The following ZC3H12C variants were observed in gnomAD, a reference collection of about 807,000 sequenced individuals.
ZC3H12C encodes the protein zinc finger CCCH-type containing 12C, also known as probable ribonuclease ZC3H12C.
A neutral mutation model predicts 76.3 loss-of-function variants in ZC3H12C; 20 were observed. That is an observed-to-expected ratio of 0.26 (90% CI 0.18 to 0.38). The LOEUF is 0.38. Among genes scored for constraint, ZC3H12C ranks in the 10% least tolerant of loss-of-function variants. ZC3H12C has a pLI of 1.00. For missense variants in ZC3H12C, 874 were observed against 1,086.5 expected, an observed-to-expected ratio of 0.80 and a Z score of 2.75; for synonymous variants, 352 against 399.6, an observed-to-expected ratio of 0.88 and a Z score of 1.42.
intron 1 of ZC3H12C, among the ~76,000 whole-genome samples, chr11:110,134,889 C>T (rs1331955813): frequency 6.6e-6 from 1 of 152,138 alleles, no homozygotes; most frequent in East Asian, 1.9e-4. Context: ...GCTGAAGATT[C>T]CATGTTCTCT....
chr11:110,110,746 C>T (rs1861412162), intron 1 of ZC3H12C, among the ~76,000 whole-genome samples: 1 of 152,086 alleles, frequency 6.6e-6, no homozygotes, highest in Non-Finnish European at 1.5e-5. Flanking sequence ...CTGACTGGTC[C>T]TAAGGTCTTT....
chr11:110,134,784 A>G, intron 1 of ZC3H12C, among the ~76,000 whole-genome samples: 1 of 152,170 alleles, frequency 6.6e-6, no homozygotes, highest in Non-Finnish European at 1.5e-5. Context: ...CAATGATATT[A>G]AAGTTGTCTA....
rs1419450045 is a variant in ZC3H12C, at chr11:110,167,118, T to TG, written c.*1382dup. 1 of 152,230 alleles carries TG rather than the reference T, an allele frequency of 6.6e-6. No individual in the cohort carries two copies. Among genetic ancestry groups the TG allele is most frequent in the African/African-American group, 2.4e-5 (1 of 41,458 alleles). 9.4% of individuals were successfully genotyped at this position (152,230 alleles called of 1,614,324 possible). ...TGTGTGATTGACATCACTTGACTGT[T>TG]GCGTCCAGGTTTTGAATTGTACTTC... On this transcript the variant is annotated 3_prime_UTR_variant, in exon 6 of 6. Coordinates refer to ENST00000278590, the MANE Select transcript of ZC3H12C (RefSeq NM_033390.2).
At chr11:110,102,928 T>C (rs1370647471) in intron 1 of ZC3H12C, among the ~76,000 whole-genome samples, 1 of 152,210 alleles carries the variant, frequency 6.6e-6, no homozygotes, top group Non-Finnish European at 1.5e-5. Flanking sequence ...AATTAAGGCA[T>C]GTACATTTTT....
intron 3 of ZC3H12C, among the ~76,000 whole-genome samples, chr11:110,155,351 G>A (rs988777709): frequency 6.6e-6 from 1 of 151,664 alleles, no homozygotes; most frequent in Non-Finnish European, 1.5e-5. Context: ...TCAGTGCCCT[G>A]AAGCAGTTAC....
intron 1 of ZC3H12C, among the ~76,000 whole-genome samples, chr11:110,133,430 T>C (rs1426461878): frequency 1.3e-5 from 2 of 152,130 alleles, no homozygotes; most frequent in African/African-American, 4.8e-5. Context: ...ACCAATGAAA[T>C]CTAGAAGATG....
intron 2 of ZC3H12C, among the ~76,000 whole-genome samples, chr11:110,145,808 C>A (rs770608884): frequency 3.3e-5 from 5 of 152,070 alleles, no homozygotes; most frequent in Non-Finnish European, 7.3e-5. Flanking sequence ...AAATACCCAG[C>A]GTACAGAATA....
intron 1 of ZC3H12C, among the ~76,000 whole-genome samples, chr11:110,104,994 A>G (rs943719284): frequency 2.6e-5 from 4 of 152,270 alleles, no homozygotes; most frequent in Non-Finnish European, 2.9e-5. Context: ...TTTCAAATCT[A>G]TTACTTTATG....
At chr11:110,145,954 G>A (rs1862159584) in intron 2 of ZC3H12C, among the ~76,000 whole-genome samples, 1 of 152,182 alleles carries the variant, frequency 6.6e-6, no homozygotes, top group South Asian at 2.1e-4. Flanking sequence ...GTAGAAGACG[G>A]TTGAGAGAAA....
chr11:110,145,911 A>T (rs991493476), intron 2 of ZC3H12C, among the ~76,000 whole-genome samples: 1 of 152,210 alleles, frequency 6.6e-6, no homozygotes, highest in Non-Finnish European at 1.5e-5. Flanking sequence ...CACAGGACCT[A>T]TTGGCTCGGG....
chr11:110,126,304 C>T (rs1168119079), intron 1 of ZC3H12C, among the ~76,000 whole-genome samples: 2 of 143,896 alleles, frequency 1.4e-5, no homozygotes, highest in Non-Finnish European at 3.0e-5. Flanking sequence ...TAGCCTTGAA[C>T]TCCTGGGCTC....
intron 2 of ZC3H12C, among the ~76,000 whole-genome samples, chr11:110,144,837 T>C (rs1258105546): frequency 6.6e-6 from 1 of 152,146 alleles, no homozygotes; most frequent in Non-Finnish European, 1.5e-5. Flanking sequence ...TTCATTCTCT[T>C]TTTAGGTTTT....
Position 110,159,368 on chromosome 11 carries a change from G to A in ZC3H12C, c.1026G>A (p.Leu342=). The A allele has an allele frequency of 6.2e-7, 1 of 1,614,092 alleles. No individual in the cohort carries two copies. The change falls in exon 4 of 6, where the codon CTG becomes CTA. Residue 342 remains leucine (L), a synonymous_variant. Coordinates refer to ENST00000278590, the MANE Select transcript of ZC3H12C (RefSeq NM_033390.2). ...VCYDDRFIVK[L]AFESDGIIVS... ...ATGACGACAGGTTCATCGTGAAGCTGGCTTTTGAGTCGGACGGTATCATTG... is the reference window on the plus strand; with the variant it reads ...ATGACGACAGGTTCATCGTGAAGCTAGCTTTTGAGTCGGACGGTATCATTG...
rs5794671 is a variant in ZC3H12C at position 110,154,834 on chromosome 11, T to TAAAAAAAA, written c.913+1787_913+1794dup. ...ATACAAAGAGCTCATACAGCTTGAT[T>TAAAAAAAA]AAAAAAAAAAAAAAAAAACTTCTTT... On this transcript the variant is annotated intron_variant, in intron 3 of 5. Coordinates refer to ENST00000278590, the MANE Select transcript of ZC3H12C (RefSeq NM_033390.2). Among the ~76,000 whole-genome samples the TAAAAAAAA allele has an allele frequency of 1.6e-3, 115 of 69,830 alleles. 6 individuals are homozygous for TAAAAAAAA. The highest frequency in any genetic ancestry group is 3.9e-3 in the African/African-American group (74 of 18,940). 45.8% of individuals were successfully genotyped at this position (69,830 alleles called of 152,430 possible). A position where few individuals can be genotyped will look rare whatever the true frequency, so the allele number is the denominator to read the frequency against.
intron 1 of ZC3H12C, among the ~76,000 whole-genome samples, chr11:110,116,508 A>G (rs1176840797): frequency 1.3e-5 from 2 of 152,228 alleles, no homozygotes; most frequent in Non-Finnish European, 2.9e-5. Context: ...TTCTATAAAT[A>G]TGTGGTAAGA....
chr11:110,117,793 A>G (rs1299303132), intron 1 of ZC3H12C, among the ~76,000 whole-genome samples: 2 of 139,594 alleles, frequency 1.4e-5, no homozygotes, highest in African/African-American at 5.4e-5. Context: ...ACACATATAT[A>G]TATTATATAT....
At chr11:110,121,684 C>A (rs1861653586) in intron 1 of ZC3H12C, among the ~76,000 whole-genome samples, 1 of 151,976 alleles carries the variant, frequency 6.6e-6, no homozygotes, top group South Asian at 2.1e-4. Flanking sequence ...AGTGTGAGGC[C>A]ATTGGAAATT....
At chr11:110,135,546 A>G (rs1465470802) in intron 1 of ZC3H12C, among the ~76,000 whole-genome samples, 1 of 151,632 alleles carries the variant, frequency 6.6e-6, no homozygotes, top group Non-Finnish European at 1.5e-5. Context: ...TCTTACAATG[A>G]AGCACCAGAG....
At chr11:110,137,993 C>T (rs2134178134) in intron 2 of ZC3H12C, among the ~76,000 whole-genome samples, 1 of 152,130 alleles carries the variant, frequency 6.6e-6, no homozygotes, top group South Asian at 2.1e-4. Flanking sequence ...GTGTCTCACA[C>T]TTGTAATCCC....
Sources: allele counts gnomAD v4.1 joint callset (sites outside exome capture counted in the v4.1 genomes callset), GRCh38; gene constraint gnomAD v4.1.1; transcripts MANE v1.5; gene names NCBI Gene and HGNC (gene_info 2026-07-23, HGNC 2026-07-21).